Variants in ABLIM1 observed in about 807,000 individuals in gnomAD.
ABLIM1 encodes actin binding LIM protein 1, also known as actin-binding LIM protein 1.
Under a neutral mutation model 107.0 loss-of-function variants are expected in ABLIM1, and 40 were observed. That is an observed-to-expected ratio of 0.37 (90% CI 0.29 to 0.49). The LOEUF (loss-of-function observed/expected upper bound fraction) is 0.49. Among genes scored for constraint, ABLIM1 ranks in the 20% least tolerant of loss-of-function variants. The probability of loss-of-function intolerance (pLI) is 0.97; values close to 1 mark genes in which losing one functional copy is unlikely to be tolerated. For missense variants in ABLIM1, 857 were observed against 1,008.5 expected (o/e 0.85, Z 2.04); for synonymous variants, 357 against 357.3 (o/e 1.00, Z 0.01).
At chr10:114,676,288 C>T (rs1434722383) in intron 1 of ABLIM1, among the ~76,000 whole-genome samples, 2 of 152,096 alleles carry the variant, frequency 1.3e-5, no homozygotes, top group Non-Finnish European at 2.9e-5. Flanking sequence ...AGCAGCCTGG[C>T]CAACATGGCA....
chr10:114,590,440 G>A (rs1393928634), intron 2 of ABLIM1, among the ~76,000 whole-genome samples: 1 of 152,150 alleles, frequency 6.6e-6, no homozygotes, highest in Admixed American at 6.5e-5. Context: ...CACACTTTAT[G>A]AACTCTGCAC....
intron 1 of ABLIM1, among the ~76,000 whole-genome samples, chr10:114,609,867 T>C (rs563129342): frequency 3.9e-5 from 6 of 152,286 alleles, no homozygotes; most frequent in African/African-American, 1.2e-4. Flanking sequence ...ACAATTGCCG[T>C]AGGAGGGACT....
intron 15 of ABLIM1, among the ~76,000 whole-genome samples, chr10:114,446,620 AATCT>A (rs2061059442): frequency 6.6e-6 from 1 of 152,072 alleles, no homozygotes; most frequent in African/African-American, 2.4e-5. Context: ...CTCCTTTTGG[AATCT>A]AAAAGAGCTT....
chr10:114,632,665 T>A (rs950115628), intron 1 of ABLIM1: 3 of 985,292 alleles, frequency 3.0e-6, no homozygotes, highest in African/African-American at 1.7e-5. Context: ...AGGATTCTAT[T>A]CCTTATCCAG....
At chr10:114,490,653 T>C (rs1026359814) in intron 7 of ABLIM1, among the ~76,000 whole-genome samples, 2 of 151,970 alleles carry the variant, frequency 1.3e-5, no homozygotes, top group African/African-American at 4.8e-5. Flanking sequence ...CTTACACAGA[T>C]GGTGCTGTTT....
intron 10 of ABLIM1, among the ~76,000 whole-genome samples, chr10:114,470,210 G>T (rs975364879): frequency 6.6e-6 from 1 of 152,116 alleles, no homozygotes; most frequent in East Asian, 1.9e-4. Flanking sequence ...ATCACTTGAG[G>T]TCAGGAGTTC....
chr10:114,547,348 G>A (rs2067488819), intron 5 of ABLIM1: 2 of 297,668 alleles, frequency 6.7e-6, no homozygotes, highest in Middle Eastern at 1.0e-3. Flanking sequence ...GTTCCTCATA[G>A]GAGAATGAAC....
chr10:114,795,968 T>A, the ABLIM1 span, among the ~76,000 whole-genome samples: 1 of 152,188 alleles, frequency 6.6e-6, no homozygotes, highest in African/African-American at 2.4e-5. Context: ...ATTCAGTATT[T>A]TCAGGTAGTT....
In ABLIM1 at chr10:114,563,808, T is replaced by G. The variant is rs138275932; in HGVS notation, c.673+7489A>C. Among the ~76,000 whole-genome samples the G allele has an allele frequency of 3.9e-3, 548 of 140,448 alleles. 5 individuals carry two copies. The highest frequency in any genetic ancestry group is 0.013 in the African/African-American group (476 of 36,916). 92.1% of individuals were successfully genotyped at this position (140,448 alleles called of 152,430 possible). A position where few individuals can be genotyped will look rare whatever the true frequency, so the allele number is the denominator to read the frequency against. ...TCGCAGTGAGCCAAGATTGCACCACTGTACTCCAGCCTGGGTGACAAAGAG... is the reference window on the plus strand; with the variant it reads ...TCGCAGTGAGCCAAGATTGCACCACGGTACTCCAGCCTGGGTGACAAAGAG... On this transcript the variant is annotated intron_variant, in intron 4 of 22. Transcript: ENST00000533213.
Position 114,432,848 on chromosome 10 carries a change from G to A in ABLIM1, c.*3412C>T, listed in dbSNP as rs2058999552. 1 of 152,080 alleles carries A rather than the reference G, an allele frequency of 6.6e-6. No homozygotes were observed. The highest frequency in any genetic ancestry group is 1.5e-5 in the Non-Finnish European group (1 of 68,024). 9.4% of individuals were successfully genotyped at this position (152,080 alleles called of 1,614,324 possible). A position where few individuals can be genotyped will look rare whatever the true frequency, so the allele number is the denominator to read the frequency against. ...ATCTCTTTGAGGTTTTGGAGAACAG[G>A]AAGTTTATGTGAAGTTATTGAACAC... On this transcript the variant is annotated 3_prime_UTR_variant, in exon 23 of 23. Transcript: ENST00000533213.
intron 1 of ABLIM1, among the ~76,000 whole-genome samples, chr10:114,627,862 C>T (rs184127290): frequency 1.8e-4 from 27 of 152,258 alleles, no homozygotes; most frequent in Admixed American, 8.5e-4. Flanking sequence ...GTGGCTCTTG[C>T]CTGTAATCCC....
chr10:114,601,628 A>T, intron 2 of ABLIM1, 199 bp downstream of exon 2: 1 of 836,192 alleles, frequency 1.2e-6, no homozygotes, highest in Non-Finnish European at 2.0e-6. Context: ...CCAAAGGCCC[A>T]CGAATCACTG....
chr10:114,757,918 G>A (rs1044243821), intron 1 of ABLIM1, among the ~76,000 whole-genome samples: 9 of 151,698 alleles, frequency 5.9e-5, no homozygotes, highest in Non-Finnish European at 8.8e-5. Context: ...TCCCTCTCCC[G>A]TACTCTCTGA....
At chr10:114,493,916 C>T (rs977538913) in intron 6 of ABLIM1, among the ~76,000 whole-genome samples, 9 of 152,164 alleles carry the variant, frequency 5.9e-5, no homozygotes, top group African/African-American at 1.4e-4. Flanking sequence ...TGTAAGTTTA[C>T]GTGACAGAAT....
At chr10:114,451,449 C>T (rs961206246) in intron 14 of ABLIM1, among the ~76,000 whole-genome samples, 175 bp downstream of exon 14, 14 of 152,124 alleles carry the variant, frequency 9.2e-5, no homozygotes, top group African/African-American at 3.4e-4. Context: ...GTCTCTCCAT[C>T]CAGGAGAATC....
In ABLIM1 at chr10:114,547,638, G is replaced by A. The variant is rs572335020; in HGVS notation, c.800+12C>T. On this transcript the variant is annotated intron_variant, in intron 5 of 22. Transcript: ENST00000533213. ...CCCACTGAAAGGAACGCGTGCCCGC[G>A]CCCAGCCTTACTTGCTGATGTACTC... The A allele has an allele frequency of 3.8e-5, 61 of 1,613,212 alleles. 2 individuals carry two copies. In the South Asian group the frequency reaches 6.6e-4, roughly 17 times the overall value.
chr10:114,598,669 G>T (rs1038654634), intron 2 of ABLIM1, among the ~76,000 whole-genome samples: 6 of 151,580 alleles, frequency 4.0e-5, no homozygotes, highest in African/African-American at 1.5e-4. Flanking sequence ...AAGGTGGCAT[G>T]AAAAAAAAGA....
chr10:114,649,652 A>C (rs1282426882), intron 1 of ABLIM1, among the ~76,000 whole-genome samples: 1 of 152,020 alleles, frequency 6.6e-6, no homozygotes, highest in Non-Finnish European at 1.5e-5. Context: ...ACGCCCTAAC[A>C]AACAGCACAC....
chr10:114,525,159 A>G (rs1246677676), intron 6 of ABLIM1, among the ~76,000 whole-genome samples: 1 of 152,024 alleles, frequency 6.6e-6, no homozygotes, highest in Non-Finnish European at 1.5e-5. Flanking sequence ...GCTACTAGAC[A>G]TCCCATAGAC....
Sources: gnomAD v4.1 joint callset for allele counts (sites outside exome capture counted in the v4.1 genomes callset) on GRCh38, gnomAD v4.1.1 for gene constraint, MANE v1.5 for transcripts, NCBI Gene and HGNC (gene_info 2026-07-23, HGNC 2026-07-21) for gene names.